FAM24B: variants seen among roughly 807,000 people sequenced by gnomAD.
The protein encoded by FAM24B is family with sequence similarity 24 member B.
A neutral mutation model predicts 2.3 loss-of-function variants in FAM24B; 3 were observed. The observed-to-expected ratio is 1.29, with a 90% CI of 0.59 to 3.32. The LOEUF is 3.32. Ranked by LOEUF, FAM24B falls within the 30% of genes most tolerant of loss-of-function variation. FAM24B has a pLI of 0.03. For missense variants in FAM24B, 98 were observed against 117.2 expected (o/e 0.84, Z 0.76); for synonymous variants, 36 against 46.3 (o/e 0.78, Z 0.90).
At chr10:122,860,302 T>C (rs1227864761) in intron 1 of FAM24B, among the ~76,000 whole-genome samples, 1 of 152,174 alleles carries the variant, frequency 6.6e-6, no homozygotes, top group Non-Finnish European at 1.5e-5. Context: ...TACTTAGCCT[T>C]TTGGACCTGG....
chr10:122,864,664 G>GT (rs1847773471), intron 1 of FAM24B, among the ~76,000 whole-genome samples: 1 of 152,100 alleles, frequency 6.6e-6, no homozygotes, highest in Non-Finnish European at 1.5e-5. Context: ...CACCATTATA[G>GT]TATCACATGC....
intron 1 of FAM24B, 84 bp downstream of exon 1, chr10:122,879,401 G>C (rs1355438163): frequency 6.6e-6 from 1 of 152,344 alleles, no homozygotes; most frequent in Non-Finnish European, 1.5e-5. Context: ...AGTGGAGGCA[G>C]AAAAGGCCCT....
intron 1 of FAM24B, among the ~76,000 whole-genome samples, chr10:122,857,293 G>A (rs1434853197): frequency 2.0e-5 from 3 of 152,176 alleles, no homozygotes; most frequent in African/African-American, 7.2e-5. Context: ...CCCTCTAGGG[G>A]ATAAGAATAT....
intron 1 of FAM24B, among the ~76,000 whole-genome samples, chr10:122,871,140 C>T (rs1283532182): frequency 1.3e-5 from 2 of 151,826 alleles, no homozygotes; most frequent in African/African-American, 4.8e-5. Flanking sequence ...TATACACCAA[C>T]AACAGACAAA....
At chr10:122,854,156 C>T (rs1384111213) in intron 2 of FAM24B, among the ~76,000 whole-genome samples, 1 of 152,214 alleles carries the variant, frequency 6.6e-6, no homozygotes, top group African/African-American at 2.4e-5. Context: ...AGCAGTTAAA[C>T]CCTGACCAAT....
Position 122,849,292 on chromosome 10 carries a change from A to C in FAM24B, c.240T>G (p.Phe80Leu). The C allele has an allele frequency of 1.3e-6, 2 of 1,590,180 alleles. No individual in the cohort carries two copies. Among genetic ancestry groups the C allele is most frequent in the Non-Finnish European group, 1.7e-6 (2 of 1,166,776 alleles). The change falls in exon 4 of 4, where the codon TTT (phenylalanine) becomes TTG (leucine). Residue 80 changes from phenylalanine to leucine, a missense_variant. Transcript: ENST00000368898. ...CGCAACAGCAAGGTGGCAGGGAATC[A>C]AAACTGGCACACATTCTATATCCTT... ...CCEGYRMCASFDSLPPCCCDI... is the reference protein window; with the variant it reads ...CCEGYRMCASLDSLPPCCCDI...
intron 1 of FAM24B, among the ~76,000 whole-genome samples, chr10:122,863,665 C>T (rs1004277458): frequency 6.6e-6 from 1 of 152,140 alleles, no homozygotes; most frequent in Non-Finnish European, 1.5e-5. Context: ...TTAGTGAATA[C>T]TTCATTTACA....
chr10:122,854,259 T>C (rs1010807085), intron 2 of FAM24B, among the ~76,000 whole-genome samples: 4 of 152,202 alleles, frequency 2.6e-5, no homozygotes, highest in African/African-American at 9.7e-5. Flanking sequence ...GTAATATCTT[T>C]CTGAGTTGCA....
chr10:122,873,048 G>A (rs1268995236), intron 1 of FAM24B, among the ~76,000 whole-genome samples: 1 of 152,184 alleles, frequency 6.6e-6, no homozygotes, highest in African/African-American at 2.4e-5. Context: ...AGGTGTAACA[G>A]GAAGGTACAG....
intron 1 of FAM24B, among the ~76,000 whole-genome samples, chr10:122,872,936 C>G: frequency 6.6e-6 from 1 of 151,756 alleles, no homozygotes; most frequent in Middle Eastern, 3.4e-3. Flanking sequence ...TAAAGTATAA[C>G]AATACAAAAA....
intron 1 of FAM24B, among the ~76,000 whole-genome samples, chr10:122,869,478 C>T (rs1477130964): frequency 2.0e-5 from 3 of 152,088 alleles, no homozygotes; most frequent in African/African-American, 4.8e-5. Context: ...CAACAGAATA[C>T]ACATTCTTTT....
chr10:122,867,249 C>A (rs1033828235), intron 1 of FAM24B, among the ~76,000 whole-genome samples: 6 of 152,142 alleles, frequency 3.9e-5, no homozygotes, highest in African/African-American at 1.4e-4. Flanking sequence ...GGGGGAGGGA[C>A]GCCCACCATT....
At chr10:122,862,458 G>A (rs1404748027) in intron 1 of FAM24B, among the ~76,000 whole-genome samples, 1 of 152,044 alleles carries the variant, frequency 6.6e-6, no homozygotes, top group Non-Finnish European at 1.5e-5. Context: ...AATACATGAA[G>A]TTATTAACAG....
intron 1 of FAM24B, among the ~76,000 whole-genome samples, chr10:122,873,003 T>TA (rs994386020): frequency 6.6e-6 from 1 of 152,088 alleles, no homozygotes; most frequent in African/African-American, 2.4e-5. Context: ...TCATGAGGTT[T>TA]AAAAAATAAA....
At chr10:122,860,398 A>G (rs1467214425) in intron 1 of FAM24B, among the ~76,000 whole-genome samples, 3 of 152,242 alleles carry the variant, frequency 2.0e-5, no homozygotes, top group Non-Finnish European at 4.4e-5. Context: ...TGACTGGACC[A>G]CAGTTTATCC....
At chr10:122,877,939 AC>A (rs2133845114) in intron 1 of FAM24B, among the ~76,000 whole-genome samples, 1 of 152,370 alleles carries the variant, frequency 6.6e-6, no homozygotes, top group African/African-American at 2.4e-5. Context: ...TCTACTAGGC[AC>A]AAAACAATTC....
chr10:122,860,912 T>C (rs942865865), intron 1 of FAM24B, among the ~76,000 whole-genome samples: 12 of 152,308 alleles, frequency 7.9e-5, no homozygotes, highest in African/African-American at 2.4e-4. Context: ...TAGAGTTCCT[T>C]CTTTATATGC....
At chr10:122,858,853 C>T (rs1259638257) in intron 1 of FAM24B, among the ~76,000 whole-genome samples, 1 of 152,198 alleles carries the variant, frequency 6.6e-6, no homozygotes, top group Non-Finnish European at 1.5e-5. Context: ...CTTCAGGGCA[C>T]CCCACCCTCC....
At chr10:122,852,112 G>GA (rs1847548661) in intron 2 of FAM24B, among the ~76,000 whole-genome samples, 1 of 152,184 alleles carries the variant, frequency 6.6e-6, no homozygotes, top group African/African-American at 2.4e-5. Flanking sequence ...ACAAACATGT[G>GA]AAGGGCTTGG....
Sources: gnomAD v4.1 joint callset for allele counts (sites outside exome capture counted in the v4.1 genomes callset) on GRCh38, gnomAD v4.1.1 for gene constraint, MANE v1.5 for transcripts, NCBI Gene and HGNC (gene_info 2026-07-23, HGNC 2026-07-21) for gene names.